SUPT3H: variants seen among roughly 807,000 people sequenced by gnomAD.
The protein encoded by SUPT3H is SPT3 homolog, SAGA and STAGA complex component, also known as transcription initiation protein SPT3 homolog.
In SUPT3H, 44 loss-of-function variants were observed where a neutral mutation model predicts 44.3. The ratio of observed to expected loss-of-function variants is 0.99; its 90% CI spans 0.78 to 1.28. The LOEUF (loss-of-function observed/expected upper bound fraction) is 1.28. Among genes scored for constraint, SUPT3H ranks in the 50% most tolerant of loss-of-function variants. The pLI is 0.00. For synonymous variants in SUPT3H, 124 were observed against 125.6 expected (o/e 0.99, Z 0.09); for missense variants, 380 against 387.1 (o/e 0.98, Z 0.15).
chr6:45,289,779 T>C (rs1780002756), intron 2 of SUPT3H, among the ~76,000 whole-genome samples: 1 of 152,240 alleles, frequency 6.6e-6, no homozygotes, highest in South Asian at 2.1e-4. Context: ...AGATATTTAC[T>C]AAATATGCTT....
At chr6:44,832,822 G>A (rs898276807) in intron 10 of SUPT3H, among the ~76,000 whole-genome samples, 4 of 152,112 alleles carry the variant, frequency 2.6e-5, no homozygotes, top group African/African-American at 9.7e-5. Flanking sequence ...ACTGGGCACT[G>A]TGGGGTAATT....
intron 3 of SUPT3H, among the ~76,000 whole-genome samples, chr6:45,041,308 T>G (rs116016661): frequency 0.013 from 1,959 of 152,294 alleles, 28 homozygotes; most frequent in African/African-American, 0.044. Flanking sequence ...GTGGGTGACC[T>G]TTTAGCTGAG....
intron 2 of SUPT3H, among the ~76,000 whole-genome samples, chr6:45,212,323 T>C (rs1175966067): frequency 6.6e-6 from 1 of 152,220 alleles, no homozygotes; most frequent in Non-Finnish European, 1.5e-5. Flanking sequence ...GGAATTTTAC[T>C]TCTTTTCATT....
chr6:44,866,388 G>A (rs1251597837), intron 10 of SUPT3H, among the ~76,000 whole-genome samples: 1 of 152,012 alleles, frequency 6.6e-6, no homozygotes, highest in Non-Finnish European at 1.5e-5. Flanking sequence ...GGAAGTTCAG[G>A]TAGGAGGATC....
intron 2 of SUPT3H, among the ~76,000 whole-genome samples, chr6:45,193,593 G>A (rs1268893719): frequency 6.6e-6 from 1 of 152,106 alleles, no homozygotes; most frequent in Non-Finnish European, 1.5e-5. Flanking sequence ...ACGGGCACCT[G>A]TAATCCCAGC....
chr6:45,088,063 A>C (rs1486511917), intron 3 of SUPT3H, among the ~76,000 whole-genome samples: 1 of 152,048 alleles, frequency 6.6e-6, no homozygotes, highest in Non-Finnish European at 1.5e-5. Context: ...TTAATGGAAA[A>C]GCTTCCTAAG....
In SUPT3H at chr6:45,069,798, CA is replaced by C. The variant is rs566559225; in HGVS notation, c.186+36123del. On this transcript the variant is annotated intron_variant, in intron 3 of 10. Transcript: ENST00000371459. ...AGTCACCGAATTGGTTTTATTTTTT[CA>C]AAAGTATTTGAATGGTAATATTTAA... Among the ~76,000 whole-genome samples, 322 of 151,674 alleles carry C rather than the reference CA, an allele frequency of 2.1e-3. 1 individual carries two copies. The highest frequency in any genetic ancestry group is 7.4e-3 in the African/African-American group (308 of 41,364).
intron 3 of SUPT3H, among the ~76,000 whole-genome samples, chr6:45,063,919 G>A (rs1792712824): frequency 9.4e-6 from 1 of 105,896 alleles, no homozygotes; most frequent in Admixed American, 1.1e-4. Context: ...CCCCAATCTA[G>A]CAAGGCAGGC....
intron 2 of SUPT3H, among the ~76,000 whole-genome samples, chr6:45,136,336 A>G (rs1197257524): frequency 6.6e-6 from 1 of 152,182 alleles, no homozygotes; most frequent in African/African-American, 2.4e-5. Context: ...AAAAATCAAC[A>G]ATAACAATAA....
At chr6:45,104,887 T>C (rs1339355940) in intron 3 of SUPT3H, among the ~76,000 whole-genome samples, 1 of 151,886 alleles carries the variant, frequency 6.6e-6, no homozygotes, top group Admixed American at 6.6e-5. Flanking sequence ...AACATACCAA[T>C]GAAAATTTTT....
intron 10 of SUPT3H, among the ~76,000 whole-genome samples, chr6:44,878,666 A>G (rs1018980690): frequency 6.6e-6 from 1 of 152,150 alleles, no homozygotes; most frequent in South Asian, 2.1e-4. Context: ...TCTGGTCTAC[A>G]GCTCCCAGTG....
chr6:45,049,485 G>A (rs1164853919), intron 3 of SUPT3H, among the ~76,000 whole-genome samples: 1 of 152,108 alleles, frequency 6.6e-6, no homozygotes, highest in Non-Finnish European at 1.5e-5. Flanking sequence ...AAGGGGTATG[G>A]ATTTTCTAGG....
chr6:44,994,928 G>T (rs1014555608), intron 6 of SUPT3H, among the ~76,000 whole-genome samples: 13 of 144,038 alleles, frequency 9.0e-5, no homozygotes, highest in East Asian at 6.0e-4. Flanking sequence ...GTTTGAATTG[G>T]TTTTTTTTTT....
intron 2 of SUPT3H, among the ~76,000 whole-genome samples, chr6:45,332,796 A>G (rs1787772759): frequency 6.6e-6 from 1 of 151,806 alleles, no homozygotes; most frequent in African/African-American, 2.4e-5. Flanking sequence ...TAATTATGGC[A>G]AAGCATAACT....
chr6:45,088,100 T>G (rs1056441104), intron 3 of SUPT3H, among the ~76,000 whole-genome samples: 1 of 152,066 alleles, frequency 6.6e-6, no homozygotes, highest in African/African-American at 2.4e-5. Flanking sequence ...GAATTAAATT[T>G]AGATCATTCT....
intron 3 of SUPT3H, among the ~76,000 whole-genome samples, chr6:45,035,728 A>G (rs1787574934): frequency 6.6e-6 from 1 of 152,188 alleles, no homozygotes. Flanking sequence ...TAGTTATTAC[A>G]GATTGTGAAG....
At chr6:45,368,805 ATAAAT>A (rs1259094454) in intron 1 of SUPT3H, among the ~76,000 whole-genome samples, 1 of 152,170 alleles carries the variant, frequency 6.6e-6, no homozygotes, top group Non-Finnish European at 1.5e-5. Context: ...CTCACATAAT[ATAAAT>A]TAATAGAAAA....
chr6:45,145,946 C>T (rs968283176), intron 2 of SUPT3H, among the ~76,000 whole-genome samples: 5 of 151,996 alleles, frequency 3.3e-5, no homozygotes, highest in Non-Finnish European at 5.9e-5. Context: ...CAGGGAAATG[C>T]AAATCAAAAC....
chr6:45,129,156 C>A (rs572936133), intron 2 of SUPT3H, among the ~76,000 whole-genome samples: 2 of 152,174 alleles, frequency 1.3e-5, no homozygotes, highest in African/African-American at 4.8e-5. Context: ...GAGCAGAAAA[C>A]CATTAATAGG....
Sources: gnomAD v4.1 joint callset for allele counts (sites outside exome capture counted in the v4.1 genomes callset) on GRCh38, gnomAD v4.1.1 for gene constraint, MANE v1.5 for transcripts, NCBI Gene and HGNC (gene_info 2026-07-23, HGNC 2026-07-21) for gene names.